Variants in C4orf51 observed in about 807,000 individuals in gnomAD.
The protein encoded by C4orf51 is chromosome 4 open reading frame 51, also known as uncharacterized protein C4orf51.
In C4orf51, 25 loss-of-function variants were observed where a neutral mutation model predicts 25.2. The ratio of observed to expected loss-of-function variants is 0.99; its 90% CI spans 0.72 to 1.39. The LOEUF is 1.39. Among genes scored for constraint, C4orf51 ranks in the 40% most tolerant of loss-of-function variants. The pLI, the probability that C4orf51 is intolerant of heterozygous loss-of-function variation, is 0.00. For missense variants in C4orf51, 252 were observed against 239.6 expected (o/e 1.05, Z -0.34); for synonymous variants, 100 against 84.5 (o/e 1.18, Z -1.01).
chr4:145,757,413 C>A (rs1392109476), downstream of C4orf51, among the ~76,000 whole-genome samples: 4 of 152,268 alleles, frequency 2.6e-5, no homozygotes, highest in East Asian at 7.7e-4. Context: ...ATGCTCTCAA[C>A]CTTAATGGCC....
At chr4:145,701,285 C>G (rs1435751895) in intron 2 of C4orf51, among the ~76,000 whole-genome samples, 3 of 152,210 alleles carry the variant, frequency 2.0e-5, no homozygotes, top group Middle Eastern at 3.4e-3. Flanking sequence ...AAACCCCAGC[C>G]ACATCTCCAG....
At chr4:145,781,213 A>G in the C4orf51 span, among the ~76,000 whole-genome samples, 52 of 127,504 alleles carry the variant, frequency 4.1e-4, no homozygotes, top group African/African-American at 1.2e-3. Context: ...AAAAAAAAAA[A>G]AAAAGAAAAA....
chr4:145,788,583 T>G, the C4orf51 span, among the ~76,000 whole-genome samples: 1 of 152,268 alleles, frequency 6.6e-6, no homozygotes, highest in Admixed American at 6.5e-5. Context: ...CCTTATTGAA[T>G]AAATGATATA....
At chr4:145,785,091 T>C in the C4orf51 span, among the ~76,000 whole-genome samples, 1 of 152,188 alleles carries the variant, frequency 6.6e-6, no homozygotes, top group Non-Finnish European at 1.5e-5. Context: ...AGCAAATAGG[T>C]GTGTAGGATT....
intron 2 of C4orf51, among the ~76,000 whole-genome samples, chr4:145,702,984 C>A (rs187453394): frequency 2.4e-3 from 359 of 151,604 alleles, no homozygotes; most frequent in African/African-American, 8.0e-3. Flanking sequence ...ACCACCCCCC[C>A]AAAATTTTCG....
chr4:145,681,618 T>C lies in C4orf51; in HGVS notation c.233+1182T>C, dbSNP rs541026251. On this transcript the variant is annotated intron_variant, in intron 1 of 5. Transcript: ENST00000438731. The stretch of plus-strand genomic sequence containing the variant: ...CACAGACTGGGTAACTTATAAATAA[T>C]AGAAGTTTATTTGGCTCAGGGTTAT... 2.6e-5 allele frequency among the ~76,000 whole-genome samples: 4 copies of C among 152,280 alleles called. No individual in the cohort carries two copies. In the South Asian group the frequency reaches 6.2e-4, roughly 24 times the overall value.
chr4:145,732,234 C>T (rs1300536556), intron 5 of C4orf51, among the ~76,000 whole-genome samples: 1 of 152,190 alleles, frequency 6.6e-6, no homozygotes, highest in Non-Finnish European at 1.5e-5. Flanking sequence ...GCAAGAGTTC[C>T]TGCCCTTTTT....
At chr4:145,770,299 A>AAAAT (rs150231954) in intron 1 of C4orf51, among the ~76,000 whole-genome samples, 9,153 of 87,136 alleles carry the variant, frequency 0.11, 343 homozygotes, top group Non-Finnish European at 0.13. Context: ...ACCCTGTCTT[A>AAAAT]AAATAAATAA....
chr4:145,709,438 G>C (rs1380500011), intron 2 of C4orf51, among the ~76,000 whole-genome samples: 4 of 152,244 alleles, frequency 2.6e-5, no homozygotes, highest in African/African-American at 9.6e-5. Context: ...AGTCATCCAA[G>C]TTGGTAGGGT....
At chr4:145,786,212 ACCCTATAT>A in the C4orf51 span, among the ~76,000 whole-genome samples, 4 of 152,186 alleles carry the variant, frequency 2.6e-5, no homozygotes, top group East Asian at 7.7e-4. Flanking sequence ...ACATAATTTG[ACCCTATAT>A]TTGGTGTATT....
At chr4:145,705,405 G>A (rs1003559392) in intron 2 of C4orf51, among the ~76,000 whole-genome samples, 5 of 151,930 alleles carry the variant, frequency 3.3e-5, no homozygotes, top group Admixed American at 3.3e-4. Flanking sequence ...TGTGTGGTGA[G>A]ATTGGAAGCT....
intron 1 of C4orf51, among the ~76,000 whole-genome samples, chr4:145,686,914 A>G (rs958084528): frequency 2.0e-5 from 3 of 152,048 alleles, no homozygotes; most frequent in Non-Finnish European, 2.9e-5. Flanking sequence ...TGAAAAATCT[A>G]TTCTTGCCAC....
chr4:145,767,152 A>C (rs1415689629), intron 1 of C4orf51, among the ~76,000 whole-genome samples: 1 of 152,224 alleles, frequency 6.6e-6, no homozygotes, highest in Non-Finnish European at 1.5e-5. Flanking sequence ...AAGGACATTA[A>C]AACAGTGGTG....
At chr4:145,775,781 C>T (rs1427228613), downstream of C4orf51, 1 of 1,614,142 alleles carries the variant, frequency 6.2e-7, no homozygotes, top group Non-Finnish European at 8.5e-7. Context: ...GTTCCATCTG[C>T]AACTCACCTG....
rs1735996046 is a variant in C4orf51 at position 145,769,987 on chromosome 4, T to TA, written n.167-999dup. ...ACTTCTACTTTTAAATTGTTTCCAT[T>TA]AAGATTAAGAATAAAGACTCTAGAT... On this transcript the variant is annotated intron_variant and non_coding_transcript_variant, in intron 1 of 1. Coordinates refer to the C4orf51 transcript ENST00000510096. 2.0e-5 allele frequency among the ~76,000 whole-genome samples: 3 copies of TA among 152,138 alleles called. No individual in the cohort carries two copies. The South Asian group carries it at 6.2e-4, about 32-fold the overall frequency.
chr4:145,729,302 T>C (rs1732294592), intron 4 of C4orf51, 73 bp downstream of exon 4: 3 of 842,686 alleles, frequency 3.6e-6, no homozygotes, highest in Non-Finnish European at 5.3e-6. Flanking sequence ...ATGTGATTTT[T>C]TTTTTTTTTT....
chr4:145,745,709 A>C (rs968871810), intron 1 of C4orf51, among the ~76,000 whole-genome samples: 11 of 152,194 alleles, frequency 7.2e-5, no homozygotes, highest in African/African-American at 2.7e-4. Context: ...TCTTCAATAT[A>C]CTGATTTCTT....
chr4:145,697,965 C>T (rs1730178914), intron 2 of C4orf51, among the ~76,000 whole-genome samples: 1 of 152,096 alleles, frequency 6.6e-6, no homozygotes, highest in African/African-American at 2.4e-5. Flanking sequence ...TAAGGGTTTC[C>T]TTTTCACACA....
the C4orf51 span, among the ~76,000 whole-genome samples, chr4:145,782,875 T>TCC: frequency 6.6e-6 from 1 of 152,180 alleles, no homozygotes; most frequent in African/African-American, 2.4e-5. Context: ...CAAAAGCTAC[T>TCC]CCCCGCAACT....
Sources: gnomAD v4.1 joint callset for allele counts (sites outside exome capture counted in the v4.1 genomes callset) on GRCh38, gnomAD v4.1.1 for gene constraint, MANE v1.5 for transcripts, NCBI Gene and HGNC (gene_info 2026-07-23, HGNC 2026-07-21) for gene names.